LGR4: variants seen among roughly 807,000 people sequenced by gnomAD.
LGR4 encodes the protein leucine-rich repeat-containing G protein-coupled receptor 4.
LGR4 carries 44 observed loss-of-function variants against 84.8 expected under a neutral mutation model. The ratio of observed to expected loss-of-function variants is 0.52; its 90% CI spans 0.41 to 0.67. The LOEUF (loss-of-function observed/expected upper bound fraction) is 0.67, where lower values mean the gene tolerates loss of function less well. Ranked by LOEUF, LGR4 falls within the 30% of genes least tolerant of loss-of-function variation. The pLI is 0.00. For synonymous variants in LGR4, 429 were observed against 434.3 expected (o/e 0.99, Z 0.15); for missense variants, 1,032 against 1,131.4 (o/e 0.91, Z 1.26).
chr11:27,385,210 C>T (rs1863162991), intron 5 of LGR4, 43 bp downstream of exon 5: 2 of 1,336,130 alleles, frequency 1.5e-6, no homozygotes, highest in Admixed American at 2.5e-5. Context: ...TTTTGTACCC[C>T]AATTAACACA....
intron 1 of LGR4, among the ~76,000 whole-genome samples, chr11:27,415,855 TATAG>T (rs1378088358): frequency 4.6e-5 from 7 of 152,054 alleles, no homozygotes; most frequent in African/African-American, 1.7e-4. Context: ...ATAAACAATC[TATAG>T]ATAGTCTTAA....
At chr11:27,376,432 G>C (rs1862982903) in intron 12 of LGR4, 62 bp from the exon 13 acceptor site, 1 of 840,108 alleles carries the variant, frequency 1.2e-6, no homozygotes, top group Admixed American at 2.4e-5. Flanking sequence ...ACAGGAGGAG[G>C]AGGAAAGAGA....
At chr11:27,373,702 T>C in intron 14 of LGR4, 26 bp from the exon 15 acceptor site, 1 of 1,531,744 alleles carries the variant, frequency 6.5e-7, no homozygotes, top group Non-Finnish European at 8.9e-7. Context: ...GACTTCAAGT[T>C]AATGCCCAAT....
At chr11:27,369,325 A>G (rs1174609282) in intron 17 of LGR4, among the ~76,000 whole-genome samples, 182 bp from the exon 18 acceptor site, 1 of 152,240 alleles carries the variant, frequency 6.6e-6, no homozygotes, top group Non-Finnish European at 1.5e-5. Context: ...TATTTTAAAA[A>G]TAAACTGACT....
rs369366389 is a variant in LGR4, at chr11:27,384,523, G to T, written c.618-116C>A. On this transcript the variant is annotated intron_variant, in intron 5 of 17. Coordinates refer to ENST00000379214, the MANE Select transcript of LGR4 (RefSeq NM_018490.5). ...AATGATGTAGCTAAACATATCAACA[G>T]CTAAACAGCTAAACAGTTTTCTGTT... 16 of 697,014 alleles carry T rather than the reference G, an allele frequency of 2.3e-5. No individual in the cohort carries two copies. The East Asian group carries it at 3.0e-4, about 13-fold the overall frequency. 43.2% of individuals were successfully genotyped at this position (697,014 alleles called of 1,614,324 possible).
At chr11:27,442,329 G>A (rs1286534377) in intron 1 of LGR4, among the ~76,000 whole-genome samples, 2 of 152,160 alleles carry the variant, frequency 1.3e-5, no homozygotes, top group Non-Finnish European at 2.9e-5. Flanking sequence ...GCCATCCAAA[G>A]AGCCTGATAG....
Position 27,368,799 on chromosome 11 carries a change from C to A in LGR4, c.1924G>T (p.Glu642Ter). The change falls in exon 18 of 18, where the codon GAA (glutamate) becomes TAA (stop). Residue 642 changes from glutamate to a stop codon, truncating the protein, a stop_gained. Transcript: ENST00000379214. LOFTEE classifies it low-confidence loss of function (END_TRUNC). Reference sequence around the variant, plus strand: ...ATATCTTTTGCAGATAAGCTTCTTTCGACAGTTGCTAGCATTAATAAAAAT... The same window carrying A: ...ATATCTTTTGCAGATAAGCTTCTTTAGACAGTTGCTAGCATTAATAAAAAT... ...AIFLLMLATV[E>*]RSLSAKDIMK... is the part of the protein sequence containing the mutation. 1 of 1,614,028 alleles carries A rather than the reference C, an allele frequency of 6.2e-7. No individual in the cohort carries two copies. Among genetic ancestry groups the A allele is most frequent in the Non-Finnish European group, 8.5e-7 (1 of 1,179,970 alleles).
At chr11:27,423,836 A>C (rs1427610559) in intron 1 of LGR4, among the ~76,000 whole-genome samples, 1 of 152,206 alleles carries the variant, frequency 6.6e-6, no homozygotes, top group African/African-American at 2.4e-5. Context: ...ATTCTTTTTA[A>C]TTTTTGCAAT....
At chr11:27,435,769 T>A (rs924406333) in intron 1 of LGR4, among the ~76,000 whole-genome samples, 2 of 151,984 alleles carry the variant, frequency 1.3e-5, no homozygotes, top group Non-Finnish European at 2.9e-5. Context: ...ATTACAGGTA[T>A]AAGCAACTGT....
At chr11:27,404,924 G>A (rs1361831649) in intron 2 of LGR4, among the ~76,000 whole-genome samples, 2 of 152,152 alleles carry the variant, frequency 1.3e-5, no homozygotes, top group African/African-American at 2.4e-5. Flanking sequence ...TCGAGATCCA[G>A]TAACATATGA....
intron 1 of LGR4, among the ~76,000 whole-genome samples, chr11:27,446,550 G>T (rs933415748): frequency 1.3e-5 from 2 of 152,174 alleles, no homozygotes; most frequent in Non-Finnish European, 2.9e-5. Context: ...TGCTGGAGAG[G>T]ATGTGGAGAA....
At chr11:27,377,097 G>T in intron 12 of LGR4, 61 bp downstream of exon 12, 1 of 954,344 alleles carries the variant, frequency 1.0e-6, no homozygotes, top group Non-Finnish European at 1.6e-6. Context: ...TTAAAAATAC[G>T]AAATGCTCAA....
intron 1 of LGR4, among the ~76,000 whole-genome samples, chr11:27,467,735 G>T (rs1375394448): frequency 6.6e-6 from 1 of 152,094 alleles, no homozygotes; most frequent in African/African-American, 2.4e-5. Context: ...GACAGATCTG[G>T]AACCCAGCAC....
chr11:27,448,320 T>C (rs1469751709), intron 1 of LGR4, among the ~76,000 whole-genome samples: 15 of 151,880 alleles, frequency 9.9e-5, no homozygotes, highest in Admixed American at 9.2e-4. Context: ...AGACAGAGTT[T>C]TTGCTCTTGT....
At chr11:27,467,393 C>T (rs1864797154) in intron 1 of LGR4, among the ~76,000 whole-genome samples, 2 of 151,842 alleles carry the variant, frequency 1.3e-5, no homozygotes, top group South Asian at 4.2e-4. Context: ...TGGTAAAACC[C>T]CGACTCTACT....
intron 11 of LGR4, among the ~76,000 whole-genome samples, chr11:27,377,885 A>T: frequency 6.6e-6 from 1 of 152,188 alleles, no homozygotes; most frequent in East Asian, 1.9e-4. Context: ...TGGTCCCATA[A>T]GAGTATAATA....
intron 1 of LGR4, among the ~76,000 whole-genome samples, chr11:27,456,832 A>G (rs985728686): frequency 6.6e-6 from 1 of 152,196 alleles, no homozygotes; most frequent in African/African-American, 2.4e-5. Context: ...TTTACACAAC[A>G]GATTTTGAAT....
chr11:27,406,371 G>A (rs1443150264), intron 2 of LGR4, among the ~76,000 whole-genome samples: 3 of 152,098 alleles, frequency 2.0e-5, no homozygotes, highest in South Asian at 2.1e-4. Flanking sequence ...CACATCTACA[G>A]GGGCATAGGC....
At chr11:27,414,943 G>A (rs1348491816) in intron 1 of LGR4, among the ~76,000 whole-genome samples, 1 of 152,090 alleles carries the variant, frequency 6.6e-6, no homozygotes, top group Non-Finnish European at 1.5e-5. Flanking sequence ...TCATGGAGGA[G>A]TCTACCTTTT....
Sources: allele counts gnomAD v4.1 joint callset (sites outside exome capture counted in the v4.1 genomes callset), GRCh38; gene constraint gnomAD v4.1.1; transcripts MANE v1.5; gene names NCBI Gene and HGNC (gene_info 2026-07-23, HGNC 2026-07-21).